Variants in ADGRG6 observed in about 807,000 individuals in gnomAD.
ADGRG6 encodes the protein adhesion G protein-coupled receptor G6, also known as G-protein coupled receptor 126.
ADGRG6 carries 84 observed loss-of-function variants against 142.4 expected under a neutral mutation model. The ratio of observed to expected loss-of-function variants is 0.59; its 90% CI spans 0.49 to 0.71. The LOEUF (loss-of-function observed/expected upper bound fraction) is 0.71. Among genes scored for constraint, ADGRG6 ranks in the 30% least tolerant of loss-of-function variants. The probability of loss-of-function intolerance (pLI) is 0.00; values close to 1 mark genes in which losing one functional copy is unlikely to be tolerated. For synonymous variants in ADGRG6, 521 were observed against 520.5 expected, an observed-to-expected ratio of 1.00 and a Z score of -0.01; for missense variants, 1,367 against 1,466.6, an observed-to-expected ratio of 0.93 and a Z score of 1.11.
intron 6 of ADGRG6, among the ~76,000 whole-genome samples, chr6:142,389,909 C>T (rs111227751): frequency 6.6e-6 from 1 of 151,654 alleles, no homozygotes; most frequent in African/African-American, 2.4e-5. Flanking sequence ...AGCATAATGC[C>T]TGTTATAAGA....
intron 2 of ADGRG6, among the ~76,000 whole-genome samples, chr6:142,340,940 C>T (rs1464551139): frequency 6.6e-6 from 1 of 152,026 alleles, no homozygotes; most frequent in Non-Finnish European, 1.5e-5. Flanking sequence ...TAGGTTGTGG[C>T]ACTTTTAACT....
rs371643501 is a variant in ADGRG6, at chr6:142,419,844, T to C, written c.3059T>C (p.Ile1020Thr). 124 of 1,610,566 alleles carry C rather than the reference T, an allele frequency of 7.7e-5. No individual in the cohort carries two copies. The highest frequency in any genetic ancestry group is 3.3e-4 in the Middle Eastern group (2 of 6,066). ...DEFCWIQDPV[I>T]FYVTCAGYFG... The stretch of plus-strand genomic sequence containing the variant: ...AGCTGTTGGATTCAAGATCCAGTCA[T>C]ATTTTATGTGACCTGTGCTGGGTAT... The change falls in exon 22 of 25, where the codon ATA (isoleucine) becomes ACA (threonine). Residue 1020 changes from isoleucine to threonine, a missense_variant. Transcript: ENST00000367609.
intron 2 of ADGRG6, among the ~76,000 whole-genome samples, chr6:142,354,918 G>T (rs1424392685): frequency 6.6e-6 from 1 of 152,184 alleles, no homozygotes; most frequent in African/African-American, 2.4e-5. Context: ...AAAACTGAAA[G>T]TCTGGTGATT....
intron 4 of ADGRG6, among the ~76,000 whole-genome samples, chr6:142,377,428 T>C (rs1037916026): frequency 2.6e-5 from 4 of 152,170 alleles, no homozygotes; most frequent in Admixed American, 6.5e-5. Flanking sequence ...CAGTCCTCTA[T>C]GGGCAGGCTC....
At position 142,367,836 on chromosome 6, in the gene ADGRG6, C is replaced by T. The variant is rs377682546; in HGVS notation, c.371C>T (p.Ala124Val). ...AAAGGCCTATCATTTAACTCAAGTGCGAATGAGATGCATGTGTCCTTTTCA... is the reference window on the plus strand; with the variant it reads ...AAAGGCCTATCATTTAACTCAAGTGTGAATGAGATGCATGTGTCCTTTTCA... Reference protein sequence around the residue: ...TAKGLSFNSSANEMHVSFSSD... With the variant: ...TAKGLSFNSSVNEMHVSFSSD... Residue 124 changes from alanine to valine, a missense_variant, in exon 3 of 25, where the codon GCG becomes GTG. Around this residue, in one of 3 missense-constraint regions of ADGRG6, gnomAD observed 737 missense variants for 746.5 expected, o/e 0.99. Coordinates refer to ENST00000367609, the MANE Select transcript of ADGRG6 (RefSeq NM_198569.3). 155 of 1,613,372 alleles carry T rather than the reference C, an allele frequency of 9.6e-5. 1 individual carries two copies. The highest frequency in any genetic ancestry group is 1.2e-4 in the Non-Finnish European group (140 of 1,179,606).
rs764081827 is a variant in ADGRG6, at chr6:142,390,367, T to G, written c.1308+24T>G. The G allele has an allele frequency of 4.3e-6, 6 of 1,408,684 alleles. No homozygotes were observed. The South Asian group carries it at 7.4e-5, about 17-fold the overall frequency. The allele number at this position is 1,408,684 out of a possible 1,614,324, so 87.3% of individuals were successfully genotyped here. On this transcript the variant is annotated intron_variant, in intron 7 of 24. Transcript: ENST00000367609. ...GGGTAAGTGAGCTTGTAACTTTTCTTTTTTAAAAAAATTCTTTAACTTCTG... is the reference window on the plus strand; with the variant it reads ...GGGTAAGTGAGCTTGTAACTTTTCTGTTTTAAAAAAATTCTTTAACTTCTG...
intron 6 of ADGRG6, among the ~76,000 whole-genome samples, chr6:142,385,634 A>G (rs545289592): frequency 8.3e-4 from 126 of 152,286 alleles, no homozygotes; most frequent in Non-Finnish European, 1.5e-3. Context: ...AATGTAAACA[A>G]TGTTTTAAAA....
chr6:142,403,985 G>A lies in ADGRG6; in HGVS notation c.2127+12G>A, dbSNP rs757650195. The A allele has an allele frequency of 2.5e-6, 4 of 1,584,848 alleles. No individual in the cohort carries two copies. The Admixed American group carries it at 6.8e-5, about 27-fold the overall frequency. ...AATCGTATTTCCAGGTAATGAGCCA[G>A]TGGTTTCTTTCATTTTAATTAATTA... On this transcript the variant is annotated intron_variant, in intron 14 of 24. Transcript: ENST00000367609.
chr6:142,377,543 C>T (rs1221199091), intron 4 of ADGRG6, among the ~76,000 whole-genome samples: 1 of 152,236 alleles, frequency 6.6e-6, no homozygotes, highest in East Asian at 1.9e-4. Context: ...TCTGCCTAGA[C>T]ATTTGGCTGT....
intron 14 of ADGRG6, chr6:142,404,334 C>T: frequency 4.3e-6 from 1 of 230,250 alleles, no homozygotes. Flanking sequence ...GGTTCTCAAA[C>T]TGAACATTAG....
intron 2 of ADGRG6, among the ~76,000 whole-genome samples, chr6:142,357,400 A>T (rs1336991785): frequency 6.6e-6 from 1 of 152,122 alleles, no homozygotes; most frequent in Non-Finnish European, 1.5e-5. Flanking sequence ...TTCATGTAAA[A>T]ATGGAAATTT....
chr6:142,346,944 C>G (rs773514154), intron 2 of ADGRG6, among the ~76,000 whole-genome samples: 6 of 151,840 alleles, frequency 4.0e-5, no homozygotes, highest in Non-Finnish European at 7.4e-5. Flanking sequence ...TTGATGGGTG[C>G]GGCAAACAAC....
intron 2 of ADGRG6, among the ~76,000 whole-genome samples, chr6:142,334,718 G>C (rs1779228987): frequency 6.6e-6 from 1 of 152,144 alleles, no homozygotes; most frequent in Non-Finnish European, 1.5e-5. Context: ...CCCTTACCAA[G>C]ATTTTGTGAT....
intron 1 of ADGRG6, 138 bp downstream of exon 1, chr6:142,302,469 T>G: frequency 2.3e-6 from 2 of 858,986 alleles, no homozygotes; most frequent in Non-Finnish European, 3.5e-6. Context: ...ATAAACCGGT[T>G]TGTCTTCAGT....
At chr6:142,307,201 A>G (rs9399399) in intron 1 of ADGRG6, among the ~76,000 whole-genome samples, 27,682 of 152,106 alleles carry the variant, frequency 0.18, 4,214 homozygotes, top group East Asian at 0.62. Flanking sequence ...TTATTCACAC[A>G]TTGATGAAAG....
chr6:142,341,587 ATAT>A (rs1416825224), intron 2 of ADGRG6, among the ~76,000 whole-genome samples: 22 of 120,258 alleles, frequency 1.8e-4, no homozygotes, highest in Middle Eastern at 3.7e-3. Context: ...AGTATATATA[ATAT>A]TATATATTAT....
chr6:142,430,638 C>T (rs1777166903), intron 22 of ADGRG6, among the ~76,000 whole-genome samples: 2 of 152,116 alleles, frequency 1.3e-5, no homozygotes, highest in Non-Finnish European at 2.9e-5. Flanking sequence ...AGTTAAATAG[C>T]TCTAACAAGA....
chr6:142,403,408 C>T (rs77425426), intron 13 of ADGRG6, among the ~76,000 whole-genome samples: 1,809 of 152,160 alleles, frequency 0.012, 37 homozygotes, highest in African/African-American at 0.041. Context: ...TACATAATAA[C>T]AATATAAACA....
chr6:142,336,021 C>G (rs182073609), intron 2 of ADGRG6, among the ~76,000 whole-genome samples: 1 of 152,234 alleles, frequency 6.6e-6, no homozygotes, highest in Admixed American at 6.5e-5. Context: ...AAAGAACAAA[C>G]AGTAAAATTA....
Sources: allele counts gnomAD v4.1 joint callset (sites outside exome capture counted in the v4.1 genomes callset), GRCh38; gene constraint gnomAD v4.1.1; regional missense constraint gnomAD v4.1.1; transcripts MANE v1.5; gene names NCBI Gene and HGNC (gene_info 2026-07-23, HGNC 2026-07-21).